The following MACROD2 variants were observed in gnomAD, a reference collection of about 807,000 sequenced individuals.
MACROD2 encodes the protein ADP-ribose glycohydrolase MACROD2.
A neutral mutation model predicts 70.4 loss-of-function variants in MACROD2; 36 were observed. That is an observed-to-expected ratio of 0.51 (90% CI 0.39 to 0.68). The LOEUF is 0.68. MACROD2 is among the 30% of genes least tolerant of loss of function. MACROD2 has a pLI of 0.00. For synonymous variants in MACROD2, 172 were observed against 178.8 expected (o/e 0.96, Z 0.30); for missense variants, 496 against 538.4 (o/e 0.92, Z 0.78).
intron 12 of MACROD2, among the ~76,000 whole-genome samples, chr20:15,938,021 G>A (rs1402210311): frequency 6.6e-6 from 1 of 151,386 alleles, no homozygotes; most frequent in Non-Finnish European, 1.5e-5. Flanking sequence ...TCTCCATTCT[G>A]TCAGAAGTTA....
intron 8 of MACROD2, among the ~76,000 whole-genome samples, chr20:15,631,606 A>G (rs1312559834): frequency 6.6e-6 from 1 of 152,176 alleles, no homozygotes; most frequent in Non-Finnish European, 1.5e-5. Context: ...GAACCATTAC[A>G]GTACTTTTTC....
rs139731309 is a variant in MACROD2 at position 14,794,142 on chromosome 20, C to T, written c.418+109183C>T. ...GATTTGCAGGATTACAATTTACCCTCAAAGACTGGAGAACTCACTGGCTCC... is the reference window on the plus strand; with the variant it reads ...GATTTGCAGGATTACAATTTACCCTTAAAGACTGGAGAACTCACTGGCTCC... On this transcript the variant is annotated intron_variant, in intron 5 of 17. Coordinates refer to ENST00000684519, the MANE Select transcript of MACROD2 (RefSeq NM_001351661.2). Among the ~76,000 whole-genome samples the T allele has an allele frequency of 9.7e-4, 147 of 152,204 alleles. 1 individual carries two copies. The highest frequency in any genetic ancestry group is 3.3e-3 in the African/African-American group (136 of 41,496).
chr20:15,246,101 G>A (rs2077103120), intron 6 of MACROD2, among the ~76,000 whole-genome samples: 1 of 152,170 alleles, frequency 6.6e-6, no homozygotes, highest in Non-Finnish European at 1.5e-5. Flanking sequence ...AGACACATAT[G>A]CCTTTAATGC....
intron 3 of MACROD2, 69 bp from the exon 4 acceptor site, chr20:14,493,410 A>G (rs913328297): frequency 7.6e-7 from 1 of 1,316,934 alleles, no homozygotes; most frequent in East Asian, 2.4e-5. Flanking sequence ...TTTATCTTGA[A>G]TTACTCTGAT....
intron 5 of MACROD2, among the ~76,000 whole-genome samples, chr20:15,020,195 G>T (rs2075154195): frequency 6.6e-6 from 1 of 152,132 alleles, no homozygotes; most frequent in South Asian, 2.1e-4. Flanking sequence ...TCAAGGAGAA[G>T]CCACTACTGT....
In MACROD2 at chr20:15,818,282, T is replaced by TTATA. The variant is rs1229146078; in HGVS notation, c.646-44462_646-44459dup. ...GCATGGGCTGCTCGACTGAGTATACTTATAGTTCTTTTTTGATTGTATGCT... is the reference window on the plus strand; with the variant it reads ...GCATGGGCTGCTCGACTGAGTATACTTATATATAGTTCTTTTTTGATTGTATGCT... On this transcript the variant is annotated intron_variant, in intron 8 of 17. Coordinates refer to ENST00000684519, the MANE Select transcript of MACROD2 (RefSeq NM_001351661.2). Among the ~76,000 whole-genome samples the TTATA allele has an allele frequency of 3.3e-5, 5 of 152,322 alleles. No homozygotes were observed. The East Asian group carries it at 9.6e-4, about 29-fold the overall frequency.
intron 7 of MACROD2, among the ~76,000 whole-genome samples, chr20:15,457,058 T>A (rs373640678): frequency 1.1e-4 from 1 of 9,050 alleles, no homozygotes; most frequent in African/African-American, 2.8e-4. Context: ...CTTTCTTCTT[T>A]TTTTTTTTTT....
chr20:15,662,865 A>G (rs555037731), intron 8 of MACROD2, among the ~76,000 whole-genome samples: 1 of 152,168 alleles, frequency 6.6e-6, no homozygotes, highest in Non-Finnish European at 1.5e-5. Flanking sequence ...AAAAAGGCAC[A>G]TTGGTATTAG....
intron 2 of MACROD2, among the ~76,000 whole-genome samples, chr20:14,070,701 T>C (rs1054076806): frequency 6.6e-6 from 1 of 152,158 alleles, no homozygotes; most frequent in Non-Finnish European, 1.5e-5. Flanking sequence ...GGAGGTTCAC[T>C]GACAGCACGC....
At position 15,111,147 on chromosome 20, in the gene MACROD2, G is replaced by A. The variant is rs143155414; in HGVS notation, c.419-118793G>A. Among the ~76,000 whole-genome samples the A allele has an allele frequency of 1.0e-3, 155 of 148,682 alleles. 1 individual carries two copies. The highest frequency in any genetic ancestry group is 3.1e-3 in the African/African-American group (126 of 40,562). ...TGTATTTCAGATATTTTTTACTTCC[G>A]TAGTGTTTTTTGTTTGTTTGTTTTT... On this transcript the variant is annotated intron_variant, in intron 5 of 17. Transcript: ENST00000684519.
At chr20:15,631,708 G>A (rs1422921120) in intron 8 of MACROD2, among the ~76,000 whole-genome samples, 1 of 152,194 alleles carries the variant, frequency 6.6e-6, no homozygotes, top group Non-Finnish European at 1.5e-5. Context: ...GGCTGGAAAA[G>A]GCTGTAGAGC....
intron 12 of MACROD2, among the ~76,000 whole-genome samples, chr20:15,952,948 C>A (rs74839861): frequency 1.3e-5 from 2 of 152,078 alleles, no homozygotes; most frequent in Admixed American, 1.3e-4. Context: ...AGAGACTTTT[C>A]GAAAACTCTC....
chr20:14,983,728 C>T (rs1161691780), intron 5 of MACROD2, among the ~76,000 whole-genome samples: 1 of 152,068 alleles, frequency 6.6e-6, no homozygotes, highest in African/African-American at 2.4e-5. Flanking sequence ...TCGGGTATGT[C>T]TTTATCAAGT....
chr20:15,722,799 A>G (rs193264043), intron 8 of MACROD2, among the ~76,000 whole-genome samples: 1 of 152,296 alleles, frequency 6.6e-6, no homozygotes, highest in East Asian at 1.9e-4. Flanking sequence ...AGAGAATTTC[A>G]TAACTCTGAA....
At chr20:14,460,243 T>TATATTGCTGGGTCA (rs1396031442) in intron 3 of MACROD2, among the ~76,000 whole-genome samples, 1 of 152,140 alleles carries the variant, frequency 6.6e-6, no homozygotes, top group Non-Finnish European at 1.5e-5. Flanking sequence ...ATACACCCAG[T>TATATTGCTGGGTCA]AATGGGATTG....
intron 8 of MACROD2, among the ~76,000 whole-genome samples, chr20:15,611,172 C>T (rs1271950155): frequency 1.3e-5 from 2 of 152,104 alleles, no homozygotes; most frequent in Non-Finnish European, 1.5e-5. Flanking sequence ...GTACCAGACA[C>T]TGCACATGAT....
At chr20:14,205,458 T>C (rs2081515307) in intron 3 of MACROD2, among the ~76,000 whole-genome samples, 1 of 152,214 alleles carries the variant, frequency 6.6e-6, no homozygotes, top group South Asian at 2.1e-4. Flanking sequence ...TACTTTGTTA[T>C]AAAAGCTGAT....
At chr20:15,568,383 C>T (rs769601627) in intron 8 of MACROD2, among the ~76,000 whole-genome samples, 4 of 152,114 alleles carry the variant, frequency 2.6e-5, no homozygotes, top group Non-Finnish European at 5.9e-5. Context: ...AACAAACTCA[C>T]GTGGAATGTT....
intron 8 of MACROD2, among the ~76,000 whole-genome samples, chr20:15,631,362 A>G (rs778475676): frequency 6.6e-6 from 1 of 152,226 alleles, no homozygotes; most frequent in Non-Finnish European, 1.5e-5. Context: ...AGTGTCATTA[A>G]TGATCTCTTT....
Sources: allele counts gnomAD v4.1 joint callset (sites outside exome capture counted in the v4.1 genomes callset), GRCh38; gene constraint gnomAD v4.1.1; transcripts MANE v1.5; gene names NCBI Gene and HGNC (gene_info 2026-07-23, HGNC 2026-07-21).